The following ZC3H12B variants were observed in gnomAD, a reference collection of about 807,000 sequenced individuals.
ZC3H12B encodes the protein zinc finger CCCH-type containing 12B.
In ZC3H12B, 7 loss-of-function variants were observed where a neutral mutation model predicts 43.9. That is an observed-to-expected ratio of 0.16 (90% CI 0.09 to 0.30). The LOEUF (loss-of-function observed/expected upper bound fraction) is 0.30. ZC3H12B is among the 10% of genes least tolerant of loss of function. ZC3H12B has a pLI of 1.00. For missense variants in ZC3H12B, 475 were observed against 670.2 expected (o/e 0.71, Z 3.22); for synonymous variants, 222 against 241.7 (o/e 0.92, Z 0.76).
chrX:65,212,668 AT>A, the ZC3H12B span, among the ~76,000 whole-genome samples: 2 of 88,462 alleles, frequency 2.3e-5, no homozygotes, highest in Non-Finnish European at 4.2e-5. Flanking sequence ...ATATATAAAT[AT>A]ATATGATTTA....
the ZC3H12B span, among the ~76,000 whole-genome samples, chrX:65,155,749 A>C: frequency 9.0e-6 from 1 of 110,915 alleles, no homozygotes; most frequent in South Asian, 3.9e-4. Flanking sequence ...AGTACCAGCT[A>C]GTTGGGAGGT....
the ZC3H12B span, among the ~76,000 whole-genome samples, chrX:65,212,259 TATATTATATAATATATAATATAATTATA>T: frequency 2.1e-5 from 1 of 48,070 alleles, no homozygotes; most frequent in Non-Finnish European, 3.1e-5. Context: ...TAATATATAA[TATATTATATAATATATAATATAATTATA>T]ATATATTATA....
chrX:65,402,291 C>G (rs910900872), intron 3 of ZC3H12B, among the ~76,000 whole-genome samples: 2 of 111,682 alleles, frequency 1.8e-5, no homozygotes, highest in Admixed American at 9.5e-5. Context: ...GCCAGCTCAG[C>G]CACAATACAA....
the ZC3H12B span, among the ~76,000 whole-genome samples, chrX:65,235,135 A>T: frequency 8.9e-6 from 1 of 111,856 alleles, no homozygotes; most frequent in Non-Finnish European, 1.9e-5. Context: ...TGTTTTTGTG[A>T]ATAGTGCTGC....
At chrX:65,107,056 C>T in the ZC3H12B span, among the ~76,000 whole-genome samples, 1 of 110,633 alleles carries the variant, frequency 9.0e-6, no homozygotes, top group Admixed American at 9.7e-5. Flanking sequence ...GATATGGAAG[C>T]CATTAGTAAC....
intron 3 of ZC3H12B, among the ~76,000 whole-genome samples, chrX:65,475,476 C>A (rs1226671811): frequency 4.6e-5 from 5 of 108,809 alleles, no homozygotes; most frequent in Non-Finnish European, 9.5e-5. Flanking sequence ...AATATATGTT[C>A]CTACTCTTTA....
At chrX:65,136,837 C>T in the ZC3H12B span, among the ~76,000 whole-genome samples, 1 of 111,469 alleles carries the variant, frequency 9.0e-6, no homozygotes, top group Non-Finnish European at 1.9e-5. Context: ...TTGTACTTAG[C>T]AGGAGAAATA....
At chrX:65,149,574 A>T in the ZC3H12B span, among the ~76,000 whole-genome samples, 1 of 109,276 alleles carries the variant, frequency 9.2e-6, no homozygotes, top group Admixed American at 9.9e-5. Flanking sequence ...CATCCTGGCT[A>T]ACACAGTGAA....
At chrX:65,065,367 T>A in the ZC3H12B span, among the ~76,000 whole-genome samples, 1 of 111,843 alleles carries the variant, frequency 8.9e-6, no homozygotes, top group East Asian at 2.8e-4. Flanking sequence ...CATTTGCTTG[T>A]CTGGAAATGA....
the ZC3H12B span, among the ~76,000 whole-genome samples, chrX:65,157,299 A>G: frequency 2.7e-5 from 3 of 112,320 alleles, no homozygotes; most frequent in East Asian, 8.4e-4. Flanking sequence ...CCTTGCTTTA[A>G]TGCCATTGGT....
At chrX:65,266,911 G>T in the ZC3H12B span, among the ~76,000 whole-genome samples, 5 of 110,654 alleles carry the variant, frequency 4.5e-5, no homozygotes, top group African/African-American at 1.3e-4. Flanking sequence ...ACAAGCAAAA[G>T]ACTGAAAAGC....
chrX:65,198,298 CTG>C, the ZC3H12B span, among the ~76,000 whole-genome samples: 1 of 111,893 alleles, frequency 8.9e-6, no homozygotes, highest in African/African-American at 3.2e-5. Context: ...TTATAGCATT[CTG>C]TGTTTTTCTG....
At chrX:65,497,308 G>A in intron 2 of ZC3H12B, 37 bp downstream of exon 7, 1 of 1,156,590 alleles carries the variant, frequency 8.6e-7, no homozygotes. Flanking sequence ...CTCATCTAGA[G>A]GCAAATCTGG....
the ZC3H12B span, among the ~76,000 whole-genome samples, chrX:65,161,746 C>A: frequency 8.9e-6 from 1 of 111,818 alleles, no homozygotes; most frequent in African/African-American, 3.3e-5. Flanking sequence ...TTAATTGGAG[C>A]ATTTAGTCCA....
chrX:65,254,257 A>G, the ZC3H12B span, among the ~76,000 whole-genome samples: 3 of 112,714 alleles, frequency 2.7e-5, no homozygotes, highest in Admixed American at 1.9e-4. Context: ...TGCACCTGCT[A>G]GTATCCCGCC....
chrX:65,057,182 T>C, the ZC3H12B span, among the ~76,000 whole-genome samples: 2 of 112,121 alleles, frequency 1.8e-5, no homozygotes, highest in African/African-American at 6.5e-5. Context: ...CTAGCCTTGA[T>C]GGTCTTTACA....
intron 3 of ZC3H12B, among the ~76,000 whole-genome samples, chrX:65,464,006 C>T (rs2067786539): frequency 9.0e-6 from 1 of 111,716 alleles, no homozygotes; most frequent in African/African-American, 3.3e-5. Flanking sequence ...CAAATTATTC[C>T]TGTTTCCCAT....
the ZC3H12B span, among the ~76,000 whole-genome samples, chrX:65,044,176 A>C: frequency 2.7e-5 from 3 of 112,154 alleles, no homozygotes; most frequent in East Asian, 8.4e-4. Context: ...TGGTCAAGAA[A>C]GGGTATCTGA....
chrX:65,365,011 A>C (rs760888373), upstream of ZC3H12B, among the ~76,000 whole-genome samples: 1 of 111,725 alleles, frequency 9.0e-6, no homozygotes, highest in African/African-American at 3.3e-5. Context: ...CCCTTCTGTC[A>C]GATATAATTC....
Sources: allele counts gnomAD v4.1 joint callset (sites outside exome capture counted in the v4.1 genomes callset), GRCh38; gene constraint gnomAD v4.1.1; transcripts MANE v1.5; gene names NCBI Gene and HGNC (gene_info 2026-07-23, HGNC 2026-07-21).